GPHN: variants seen among roughly 807,000 people sequenced by gnomAD.
GPHN encodes the protein gephyrin.
In GPHN, 17 loss-of-function variants were observed where a neutral mutation model predicts 95.5. The ratio of observed to expected loss-of-function variants is 0.18; its 90% CI spans 0.12 to 0.27. The LOEUF (loss-of-function observed/expected upper bound fraction) is 0.27, where lower values mean the gene tolerates loss of function less well. GPHN is among the 10% of genes least tolerant of loss of function. The probability of loss-of-function intolerance (pLI) is 1.00; values close to 1 mark genes in which losing one functional copy is unlikely to be tolerated. For synonymous variants in GPHN, 320 were observed against 322.5 expected (o/e 0.99, Z 0.08); for missense variants, 660 against 978.1 (o/e 0.67, Z 4.34).
At chr14:67,382,476 A>G in the GPHN span, 1 of 1,613,636 alleles carries the variant, frequency 6.2e-7, no homozygotes, top group Non-Finnish European at 8.5e-7. Flanking sequence ...CTCGGTATGT[A>G]ATGACTACGA....
At chr14:66,952,606 A>G (rs1041718035) in intron 8 of GPHN, among the ~76,000 whole-genome samples, 4 of 152,216 alleles carry the variant, frequency 2.6e-5, no homozygotes, top group African/African-American at 2.4e-5. Context: ...GTGCCAAACT[A>G]TTATCCATAG....
At chr14:67,313,231 G>T in the GPHN span, among the ~76,000 whole-genome samples, 1 of 152,132 alleles carries the variant, frequency 6.6e-6, no homozygotes, top group East Asian at 1.9e-4. Context: ...AGATTATTAA[G>T]GGGACATGTT....
rs34424353 is a variant in GPHN, at chr14:66,579,422, TAA to T, written c.64+70842_64+70843del. Among the ~76,000 whole-genome samples, 371 of 143,348 alleles carry T rather than the reference TAA, an allele frequency of 2.6e-3. 4 individuals are homozygous for T. The highest frequency in any genetic ancestry group is 8.8e-3 in the African/African-American group (349 of 39,474). The allele number at this position is 143,348 out of a possible 152,430, so 94.0% of individuals were successfully genotyped here. ...AAAGATACAGAGCAGCTGAATGGAT[TAA>T]AAAAAAAAAAGTCCAAACTATATGC... On this transcript the variant is annotated intron_variant, in intron 1 of 22. Coordinates refer to ENST00000478722, the MANE Select transcript of GPHN (RefSeq NM_020806.5).
At chr14:66,948,287 C>T (rs1453347985) in intron 8 of GPHN, among the ~76,000 whole-genome samples, 2 of 151,324 alleles carry the variant, frequency 1.3e-5, no homozygotes, top group Non-Finnish European at 2.9e-5. Flanking sequence ...TATAAATATT[C>T]CTTGTAAAAA....
At chr14:67,210,152 A>G in the GPHN span, among the ~76,000 whole-genome samples, 1 of 152,228 alleles carries the variant, frequency 6.6e-6, no homozygotes, top group African/African-American at 2.4e-5. Flanking sequence ...AAAATAACTT[A>G]TTTGAATGTA....
chr14:67,143,143 G>A (rs1428759875), intron 17 of GPHN: 8 of 483,562 alleles, frequency 1.7e-5, no homozygotes, highest in Non-Finnish European at 2.7e-5. Context: ...CTGTGAAATC[G>A]CCAGTAGCCA....
At chr14:67,225,382 A>G in the GPHN span, 2 of 605,840 alleles carry the variant, frequency 3.3e-6, no homozygotes, top group Admixed American at 7.9e-5. Context: ...CTGTAGTAAC[A>G]ATATAAGTGG....
intron 4 of GPHN, among the ~76,000 whole-genome samples, chr14:66,854,973 G>C (rs1367577670): frequency 6.6e-6 from 1 of 151,738 alleles, no homozygotes; most frequent in East Asian, 1.9e-4. Flanking sequence ...TCAGCCTCCT[G>C]AGTAGCTGGG....
At chr14:67,342,440 T>TAAA in the GPHN span, among the ~76,000 whole-genome samples, 1 of 151,236 alleles carries the variant, frequency 6.6e-6, no homozygotes, top group Admixed American at 6.6e-5. Context: ...AATCAACTGT[T>TAAA]AAAAAATCGA....
the GPHN span, among the ~76,000 whole-genome samples, chr14:67,255,184 T>G: frequency 6.6e-6 from 1 of 152,148 alleles, no homozygotes. Flanking sequence ...TTATAATGCT[T>G]TTTTAGAAGC....
chr14:66,584,966 C>T (rs2061358849), intron 1 of GPHN, among the ~76,000 whole-genome samples: 2 of 152,084 alleles, frequency 1.3e-5, no homozygotes. Context: ...AGGAATGGTA[C>T]CAGTTCCTCC....
At chr14:67,574,237 C>T in the GPHN span, 2 of 1,593,070 alleles carry the variant, frequency 1.3e-6, no homozygotes, top group Non-Finnish European at 1.7e-6. The surrounding 1 kb of genome is among the most constrained non-coding windows in gnomAD (Gnocchi z 4.2). Flanking sequence ...TCTCGCCCTC[C>T]ACAGCTCATC....
At chr14:67,355,331 C>G in the GPHN span, among the ~76,000 whole-genome samples, 2 of 150,610 alleles carry the variant, frequency 1.3e-5, no homozygotes, top group Non-Finnish European at 3.0e-5. Context: ...CATCAGAAGC[C>G]CCAATACCAA....
At chr14:67,602,488 T>C in the GPHN span, among the ~76,000 whole-genome samples, 1 of 152,220 alleles carries the variant, frequency 6.6e-6, no homozygotes, top group African/African-American at 2.4e-5. Flanking sequence ...TTGCTTATTG[T>C]GGAAAATTTG....
the GPHN span, among the ~76,000 whole-genome samples, chr14:67,455,147 G>T: frequency 6.6e-6 from 1 of 152,212 alleles, no homozygotes; most frequent in Non-Finnish European, 1.5e-5. Context: ...AATGTGCAGG[G>T]CAGCTTTCTT....
chr14:67,437,301 A>T, the GPHN span, among the ~76,000 whole-genome samples: 1 of 152,162 alleles, frequency 6.6e-6, no homozygotes, highest in African/African-American at 2.4e-5. Context: ...TCACAAAATG[A>T]TGTGAAATTG....
chr14:66,574,158 CTCTTGTA>C (rs1253091021), intron 1 of GPHN, among the ~76,000 whole-genome samples: 6 of 152,020 alleles, frequency 3.9e-5, no homozygotes, highest in South Asian at 2.1e-4. Context: ...TCTCTTTATT[CTCTTGTA>C]TCTACTACAG....
intron 8 of GPHN, among the ~76,000 whole-genome samples, chr14:66,955,022 G>A (rs987510741): frequency 2.6e-5 from 4 of 152,050 alleles, no homozygotes; most frequent in African/African-American, 9.7e-5. Context: ...CTAGTATTTT[G>A]TTAAGGATAC....
chr14:66,533,119 T>G (rs767631578), intron 1 of GPHN, among the ~76,000 whole-genome samples: 59 of 152,258 alleles, frequency 3.9e-4, no homozygotes, highest in Non-Finnish European at 6.3e-4. Context: ...TTAATAAATG[T>G]TTTTTTCCCC....
Sources: allele counts gnomAD v4.1 joint callset (sites outside exome capture counted in the v4.1 genomes callset), GRCh38; gene constraint gnomAD v4.1.1; non-coding constraint Gnocchi (gnomAD v3.1); transcripts MANE v1.5; gene names NCBI Gene and HGNC (gene_info 2026-07-23, HGNC 2026-07-21).